CNTNAP2: variants seen among roughly 807,000 people sequenced by gnomAD.
CNTNAP2 encodes the protein contactin-associated protein-like 2.
A neutral mutation model predicts 155.2 loss-of-function variants in CNTNAP2; 98 were observed. That is an observed-to-expected ratio of 0.63 (90% CI 0.54 to 0.75). The LOEUF is 0.75. Ranked by LOEUF, CNTNAP2 falls within the 30% of genes least tolerant of loss-of-function variation. The pLI, the probability that CNTNAP2 is intolerant of heterozygous loss-of-function variation, is 0.00. For synonymous variants in CNTNAP2, 651 were observed against 631.2 expected, an observed-to-expected ratio of 1.03 and a Z score of -0.47; for missense variants, 1,727 against 1,688.1, an observed-to-expected ratio of 1.02 and a Z score of -0.40.
chr7:148,368,096 C>T (rs570719723), intron 21 of CNTNAP2, among the ~76,000 whole-genome samples: 163 of 152,342 alleles, frequency 1.1e-3, no homozygotes, highest in African/African-American at 3.7e-3. Context: ...ATGGAAGTCA[C>T]TCCCTTTAGG....
Position 147,831,477 on chromosome 7 carries a change from C to A in CNTNAP2, c.2099-72088C>A, listed in dbSNP as rs1478045154. ...TGGAATCTATGACATCTTATAGTTG[C>A]CTTCAGCCAGGTGGCAGTCGTGATG... On this transcript the variant is annotated intron_variant, in intron 13 of 23. Transcript: ENST00000361727. Among the ~76,000 whole-genome samples the A allele has an allele frequency of 2.0e-5, 3 of 152,066 alleles. No individual in the cohort carries two copies. The East Asian group carries it at 5.8e-4, about 29-fold the overall frequency.
At chr7:148,099,976 A>G (rs1436294650) in intron 15 of CNTNAP2, among the ~76,000 whole-genome samples, 2 of 147,236 alleles carry the variant, frequency 1.4e-5, no homozygotes, top group African/African-American at 5.1e-5. Flanking sequence ...GGGTTTAAGC[A>G]ATTCTCTGCC....
intron 15 of CNTNAP2, among the ~76,000 whole-genome samples, chr7:148,058,909 G>A (rs937567857): frequency 6.6e-6 from 1 of 152,124 alleles, no homozygotes; most frequent in Admixed American, 6.5e-5. Context: ...GGGCACACAG[G>A]GGGTGTCTGG....
At chr7:147,003,673 A>T (rs1418340075) in intron 3 of CNTNAP2, among the ~76,000 whole-genome samples, 2 of 152,002 alleles carry the variant, frequency 1.3e-5, no homozygotes, top group East Asian at 3.9e-4. Flanking sequence ...AGAGTGGATA[A>T]TGGTGATTTT....
At chr7:146,997,846 A>G (rs904808183) in intron 3 of CNTNAP2, among the ~76,000 whole-genome samples, 4 of 152,060 alleles carry the variant, frequency 2.6e-5, no homozygotes, top group Non-Finnish European at 4.4e-5. Flanking sequence ...ATAATTGTTC[A>G]TAATGTTCTC....
At chr7:146,793,908 C>T (rs572812845) in intron 2 of CNTNAP2, among the ~76,000 whole-genome samples, 1 of 152,310 alleles carries the variant, frequency 6.6e-6, no homozygotes, top group East Asian at 1.9e-4. Flanking sequence ...TTAAAGAAGA[C>T]AGGACTCTAG....
At chr7:146,443,676 A>G (rs1017772321) in intron 1 of CNTNAP2, among the ~76,000 whole-genome samples, 1 of 152,234 alleles carries the variant, frequency 6.6e-6, no homozygotes, top group Non-Finnish European at 1.5e-5. Flanking sequence ...TAGCAGAGCT[A>G]TATTTTATAT....
intron 1 of CNTNAP2, among the ~76,000 whole-genome samples, chr7:146,551,623 G>A (rs898691388): frequency 6.6e-6 from 1 of 151,848 alleles, no homozygotes; most frequent in Non-Finnish European, 1.5e-5. Context: ...AAGAATAAGA[G>A]GCCAAAAGAC....
At chr7:146,482,262 A>G (rs1486099176) in intron 1 of CNTNAP2, among the ~76,000 whole-genome samples, 1 of 151,090 alleles carries the variant, frequency 6.6e-6, no homozygotes, top group East Asian at 1.9e-4. Context: ...GTAGAAAAAG[A>G]AGGAGAGTTT....
chr7:147,819,653 C>T (rs1798331950), intron 13 of CNTNAP2, among the ~76,000 whole-genome samples: 1 of 152,154 alleles, frequency 6.6e-6, no homozygotes, highest in Admixed American at 6.5e-5. Context: ...GATAATAGAA[C>T]ATTTTCATCA....
At chr7:146,819,697 A>G (rs1262559335) in intron 2 of CNTNAP2, among the ~76,000 whole-genome samples, 1 of 152,160 alleles carries the variant, frequency 6.6e-6, no homozygotes, top group Non-Finnish European at 1.5e-5. Context: ...TAAGACTAAA[A>G]CACAGCTCCT....
intron 1 of CNTNAP2, among the ~76,000 whole-genome samples, chr7:146,379,146 G>A (rs1204558734): frequency 1.3e-5 from 2 of 152,180 alleles, no homozygotes; most frequent in African/African-American, 4.8e-5. Context: ...AATGCTCTTA[G>A]TACCCAGAAC....
chr7:148,411,900 G>C (rs1799850065), intron 23 of CNTNAP2, among the ~76,000 whole-genome samples: 1 of 151,574 alleles, frequency 6.6e-6, no homozygotes, highest in East Asian at 1.9e-4. Flanking sequence ...TGTTTTGTTG[G>C]TCTATATATA....
chr7:148,397,239 C>G (rs1258902744), intron 22 of CNTNAP2, among the ~76,000 whole-genome samples: 1 of 152,230 alleles, frequency 6.6e-6, no homozygotes, highest in African/African-American at 2.4e-5. Flanking sequence ...GGCTGCACAT[C>G]AGTCACCTGG....
chr7:146,529,965 AAAC>A (rs59533423), intron 1 of CNTNAP2, among the ~76,000 whole-genome samples: 5,250 of 150,602 alleles, frequency 0.035, 312 homozygotes, highest in African/African-American at 0.12. Flanking sequence ...CTCCGTCTCA[AAAC>A]AACAACAACA....
At chr7:147,048,067 A>ATTTTTTT (rs11352009) in intron 4 of CNTNAP2, among the ~76,000 whole-genome samples, 3 of 90,378 alleles carry the variant, frequency 3.3e-5, no homozygotes, top group East Asian at 3.4e-4. Context: ...CGGAGAGACA[A>ATTTTTTT]TTTTTTTTTT....
At chr7:147,410,525 G>C (rs1797085964) in intron 10 of CNTNAP2, among the ~76,000 whole-genome samples, 1 of 152,106 alleles carries the variant, frequency 6.6e-6, no homozygotes, top group Non-Finnish European at 1.5e-5. Context: ...CTGCACATGA[G>C]CACCTGAACT....
At chr7:147,565,677 T>C (rs933799887) in intron 12 of CNTNAP2, among the ~76,000 whole-genome samples, 2 of 152,174 alleles carry the variant, frequency 1.3e-5, no homozygotes, top group African/African-American at 4.8e-5. Context: ...AGAGAGACAG[T>C]TATCAATACT....
intron 1 of CNTNAP2, among the ~76,000 whole-genome samples, chr7:146,244,380 G>A (rs939162542): frequency 6.6e-5 from 10 of 152,144 alleles, no homozygotes; most frequent in African/African-American, 2.4e-4. Context: ...AAGATAGTAG[G>A]AATGACAAGT....
Sources: allele counts gnomAD v4.1 joint callset (sites outside exome capture counted in the v4.1 genomes callset), GRCh38; gene constraint gnomAD v4.1.1; transcripts MANE v1.5; gene names NCBI Gene and HGNC (gene_info 2026-07-23, HGNC 2026-07-21).